Variants in TEAD2 observed in about 807,000 individuals in gnomAD.
The protein encoded by TEAD2 is TEA domain transcription factor 2, also known as transcriptional enhancer factor TEF-4.
A neutral mutation model predicts 61.4 loss-of-function variants in TEAD2; 51 were observed. The observed-to-expected ratio is 0.83, with a 90% CI of 0.66 to 1.05. The LOEUF is 1.05. TEAD2 is among the 50% of genes least tolerant of loss of function. The pLI, the probability that TEAD2 is intolerant of heterozygous loss-of-function variation, is 0.00. For missense variants in TEAD2, 509 were observed against 600.0 expected (o/e 0.85, Z 1.58); for synonymous variants, 244 against 243.2 (o/e 1.00, Z -0.03).
At chr19:49,351,409 C>A in intron 7 of TEAD2, 44 bp from the exon 8 acceptor site, 1 of 1,551,604 alleles carries the variant, frequency 6.4e-7, no homozygotes. Context: ...TAGAAAGATG[C>A]TAATGTCACC....
Position 49,341,679 on chromosome 19 carries a change from G to A in TEAD2, c.1243-242C>T, listed in dbSNP as rs577005327. Among the ~76,000 whole-genome samples, 24 of 152,096 alleles carry A rather than the reference G, an allele frequency of 1.6e-4. 2 individuals carry two copies. Among genetic ancestry groups the A allele is most frequent in the Non-Finnish European group, 2.8e-4 (19 of 68,022 alleles). ...TGTATCACATCTCAGGGTTAATCGG[G>A]TTCCCATCACATCACATTCCCTGGG... On this transcript the variant is annotated intron_variant, in intron 12 of 12. Coordinates refer to ENST00000593945, the MANE Select transcript of TEAD2 (RefSeq NM_001256660.2). This position sits in a 1 kb window ranked among gnomAD's most constrained non-coding sequence, Gnocchi z 4.2.
At chr19:49,361,031 A>AG (rs532094441) in intron 1 of TEAD2, among the ~76,000 whole-genome samples, 1 of 24,732 alleles carries the variant, frequency 4.0e-5, no homozygotes, top group African/African-American at 1.6e-4. Context: ...GACCAGAGGG[A>AG]GGGGGGGACA....
At chr19:49,350,704 G>C (rs1227492224) in intron 8 of TEAD2, among the ~76,000 whole-genome samples, 1 of 152,026 alleles carries the variant, frequency 6.6e-6, no homozygotes, top group Non-Finnish European at 1.5e-5. Context: ...AAAGAATCTT[G>C]ACTAACATAC....
rs761697843 is a variant in TEAD2, at chr19:49,359,932, G to C, written c.144C>G (p.Asp48Glu). 1.2e-6 allele frequency: 2 copies of C among 1,612,684 alleles called. No individual in the cohort carries two copies. The highest frequency in any genetic ancestry group is 1.3e-5 in the African/African-American group (1 of 75,044). ...GPDAEGVWSP[D>E]IEQSFQEALA... is the part of the protein sequence containing the mutation. ...GGGCCTCCTGGAAGCTCTGCTCAATGTCTGGGCTCCACACCCCCTCTGCAT... is the reference window on the plus strand; with the variant it reads ...GGGCCTCCTGGAAGCTCTGCTCAATCTCTGGGCTCCACACCCCCTCTGCAT... Residue 48 changes from aspartate to glutamate, a missense_variant, in exon 2 of 13, where the codon GAC (aspartate) becomes GAG (glutamate). Coordinates refer to ENST00000593945, the MANE Select transcript of TEAD2 (RefSeq NM_001256660.2). This position sits in a 1 kb window ranked among gnomAD's most constrained non-coding sequence, Gnocchi z 4.1.
At chr19:49,352,981 G>T (rs1972119682) in intron 7 of TEAD2, among the ~76,000 whole-genome samples, 1 of 152,118 alleles carries the variant, frequency 6.6e-6, no homozygotes, top group Non-Finnish European at 1.5e-5. Context: ...CAGGCACTTA[G>T]TAGGCACTCA....
rs1347647057 is a variant in TEAD2 at position 49,343,169 on chromosome 19, T to C, written c.1089+62A>G. On this transcript the variant is annotated intron_variant, in intron 11 of 12. Coordinates refer to ENST00000593945, the MANE Select transcript of TEAD2 (RefSeq NM_001256660.2). ...ATACTCCCAAATGCCTGAGTCATGA[T>C]GGCTTCTGGTCCATTCTGCACCCCC... 7 of 1,524,110 alleles carry C rather than the reference T, an allele frequency of 4.6e-6. No homozygotes were observed. The African/African-American group carries it at 7.1e-5, about 15-fold the overall frequency. 94.4% of individuals were successfully genotyped at this position (1,524,110 alleles called of 1,614,324 possible).
intron 12 of TEAD2, among the ~76,000 whole-genome samples, 185 bp downstream of exon 12, chr19:49,342,253 A>T (rs1971335618): frequency 6.6e-6 from 1 of 150,964 alleles, no homozygotes; most frequent in Admixed American, 6.6e-5. Flanking sequence ...CCCCTAAACT[A>T]AGGGTCAATG....
rs1364308224 is a variant in TEAD2, at chr19:49,359,417, A to G, written c.297+18T>C. ...ACCGGCCCATCCCAGACAGAAGCCC[A>G]CAAGTCCATTCCGAGACCTGTTTTC... is the stretch of plus-strand genomic sequence containing the variant. On this transcript the variant is annotated intron_variant, in intron 3 of 12. Coordinates refer to ENST00000593945, the MANE Select transcript of TEAD2 (RefSeq NM_001256660.2). This position sits in a 1 kb window ranked among gnomAD's most constrained non-coding sequence, Gnocchi z 4.1. The G allele has an allele frequency of 1.2e-6, 2 of 1,613,824 alleles. No homozygotes were observed. Among genetic ancestry groups the G allele is most frequent in the East Asian group, 4.5e-5 (2 of 44,872 alleles).
At chr19:49,352,634 T>G (rs900682210) in intron 7 of TEAD2, among the ~76,000 whole-genome samples, 1 of 152,194 alleles carries the variant, frequency 6.6e-6, no homozygotes, top group Non-Finnish European at 1.5e-5. Flanking sequence ...CCTCCTGCAT[T>G]CAAGCGATTC....
chr19:49,360,132 G>T, intron 1 of TEAD2, 51 bp from the exon 2 acceptor site: 3 of 1,457,408 alleles, frequency 2.1e-6, no homozygotes, highest in South Asian at 2.4e-5. Flanking sequence ...ACCCTCAAGG[G>T]ACTTGAAGCT....
chr19:49,355,810 A>G, intron 5 of TEAD2, 149 bp downstream of exon 5: 1 of 691,614 alleles, frequency 1.4e-6, no homozygotes, highest in Non-Finnish European at 2.2e-6. Context: ...TAGGCGACAG[A>G]GCAAGACCCT....
Position 49,359,810 on chromosome 19 carries a change from T to TGGGG in TEAD2, c.232+30_232+33dup. On this transcript the variant is annotated intron_variant, in intron 2 of 12. Coordinates refer to ENST00000593945, the MANE Select transcript of TEAD2 (RefSeq NM_001256660.2). This position sits in a 1 kb window ranked among gnomAD's most constrained non-coding sequence, Gnocchi z 4.1. ...CTTGGTTACTGTCATTATTCATCAG[T>TGGGG]GGGGGCCAGGGCAAAAGACAGAAGT... 1 of 1,601,372 alleles carries TGGGG rather than the reference T, an allele frequency of 6.2e-7. No homozygotes were observed. Among genetic ancestry groups the TGGGG allele is most frequent in the Non-Finnish European group, 8.5e-7 (1 of 1,171,568 alleles).
rs754610706 is a variant in TEAD2 at position 49,355,142 on chromosome 19, A to G, written c.539+6T>C. 1.9e-6 allele frequency: 3 copies of G among 1,605,854 alleles called. No homozygotes were observed. The highest frequency in any genetic ancestry group is 2.7e-5 in the African/African-American group (2 of 74,572). On this transcript the variant is annotated splice_donor_region_variant and intron_variant, in intron 7 of 12. Coordinates refer to ENST00000593945, the MANE Select transcript of TEAD2 (RefSeq NM_001256660.2). ...CAGGTGCTGAGCCAGGACACATAGT[A>G]CTCACTCTGGAACATTCCAGGGGGG...
intron 11 of TEAD2, among the ~76,000 whole-genome samples, 189 bp downstream of exon 11, chr19:49,343,042 T>A (rs1971401781): frequency 6.6e-6 from 1 of 152,084 alleles, no homozygotes; most frequent in African/African-American, 2.4e-5. Context: ...ACATTACCTG[T>A]CAGCCCGCAG....
intron 8 of TEAD2, among the ~76,000 whole-genome samples, chr19:49,349,851 C>T (rs575959718): frequency 1.3e-5 from 2 of 152,106 alleles, no homozygotes; most frequent in African/African-American, 2.4e-5. Context: ...AGACATGATC[C>T]CTGGAGTTGC....
intron 7 of TEAD2, among the ~76,000 whole-genome samples, chr19:49,353,964 T>A (rs903161148): frequency 6.6e-6 from 1 of 150,776 alleles, no homozygotes; most frequent in Non-Finnish European, 1.5e-5. Context: ...TTTGTTTTTT[T>A]TTTTTTGGTG....
intron 1 of TEAD2, chr19:49,360,300 C>A (rs773666278): frequency 1.4e-5 from 8 of 579,720 alleles, no homozygotes; most frequent in Non-Finnish European, 2.4e-5. Flanking sequence ...GGGGCTGGGG[C>A]CCGGACTCCT....
chr19:49,345,983 G>A (rs910722794), intron 10 of TEAD2, among the ~76,000 whole-genome samples: 2 of 151,714 alleles, frequency 1.3e-5, no homozygotes, highest in African/African-American at 4.8e-5. Context: ...TGGCCAACAT[G>A]ACGAAACTCC....
rs576648380 is a variant in TEAD2 at position 49,350,377 on chromosome 19, C to T, written c.604+924G>A. On this transcript the variant is annotated intron_variant, in intron 8 of 12. Transcript: ENST00000593945. ...CTCTGTCGCCCAGTCTGGAGTGCAA[C>T]GGTGCCACCTCGGCTCACTGCAACC... Among the ~76,000 whole-genome samples the T allele has an allele frequency of 1.1e-4, 17 of 152,084 alleles. No homozygotes were observed. In the South Asian group the frequency reaches 1.7e-3, roughly 15 times the overall value.
Sources: allele counts gnomAD v4.1 joint callset (sites outside exome capture counted in the v4.1 genomes callset), GRCh38; gene constraint gnomAD v4.1.1; non-coding constraint Gnocchi (gnomAD v3.1); transcripts MANE v1.5; gene names NCBI Gene and HGNC (gene_info 2026-07-23, HGNC 2026-07-21).